COL4A4: variants seen among roughly 807,000 people sequenced by gnomAD.
COL4A4 encodes collagen alpha-4(IV) chain.
A neutral mutation model predicts 192.9 loss-of-function variants in COL4A4; 105 were observed. The ratio of observed to expected loss-of-function variants is 0.54; its 90% CI spans 0.46 to 0.64. The LOEUF is 0.64. COL4A4 is among the 30% of genes least tolerant of loss of function. The probability of loss-of-function intolerance (pLI) is 0.00; values close to 1 mark genes in which losing one functional copy is unlikely to be tolerated. For synonymous variants in COL4A4, 762 were observed against 769.9 expected, an observed-to-expected ratio of 0.99 and a Z score of 0.17; for missense variants, 1,967 against 2,169.3, an observed-to-expected ratio of 0.91 and a Z score of 1.85.
intron 37 of COL4A4, among the ~76,000 whole-genome samples, chr2:227,041,852 A>AAGAAAGAGAGAGAGAG (rs1553633321): frequency 4.2e-5 from 3 of 71,364 alleles, no homozygotes; most frequent in Non-Finnish European, 8.5e-5. Context: ...AAGAAAGAGA[A>AAGAAAGAGAGAGAGAG]AGAAAGAAAG....
chr2:227,030,248 A>C (rs1967991523), intron 41 of COL4A4, among the ~76,000 whole-genome samples, 195 bp downstream of exon 41: 1 of 152,196 alleles, frequency 6.6e-6, no homozygotes, highest in Admixed American at 6.5e-5. Flanking sequence ...TAGGGGCTAA[A>C]GATGAACTTG....
At chr2:227,015,745 G>A (rs1194447038) in intron 44 of COL4A4, among the ~76,000 whole-genome samples, 1 of 152,126 alleles carries the variant, frequency 6.6e-6, no homozygotes, top group Admixed American at 6.5e-5. Flanking sequence ...GGCACAATCA[G>A]ATAAGGCAAT....
chr2:227,031,762 G>A (rs772852555), intron 40 of COL4A4, among the ~76,000 whole-genome samples, 183 bp downstream of exon 40: 20 of 152,158 alleles, frequency 1.3e-4, no homozygotes, highest in Non-Finnish European at 2.6e-4. Context: ...TCCTGGATAT[G>A]GTCCTGAGAG....
the COL4A4 span, chr2:226,997,589 A>C: frequency 6.6e-6 from 1 of 152,296 alleles, no homozygotes; most frequent in East Asian, 1.9e-4. Context: ...TTTCCATTGT[A>C]TTAAGAGTCC....
the COL4A4 span, among the ~76,000 whole-genome samples, chr2:226,989,648 T>C: frequency 6.6e-6 from 1 of 152,238 alleles, no homozygotes; most frequent in East Asian, 1.9e-4. Flanking sequence ...AGTCTGACCA[T>C]ATCTTGTCTA....
chr2:227,155,097 C>T (rs1243228659), intron 1 of COL4A4, among the ~76,000 whole-genome samples: 1 of 152,196 alleles, frequency 6.6e-6, no homozygotes, highest in Non-Finnish European at 1.5e-5. Flanking sequence ...GCAAGGAAAA[C>T]TGGACAATTA....
intron 44 of COL4A4, among the ~76,000 whole-genome samples, chr2:227,020,266 T>G (rs1302933837): frequency 2.6e-5 from 4 of 152,006 alleles, no homozygotes; most frequent in Non-Finnish European, 5.9e-5. Flanking sequence ...CAAGGCAGCT[T>G]GGTTTTAAAA....
At chr2:227,068,260 T>C (rs2058475093) in intron 25 of COL4A4, among the ~76,000 whole-genome samples, 1 of 152,142 alleles carries the variant, frequency 6.6e-6, no homozygotes, top group Non-Finnish European at 1.5e-5. Context: ...CAGGACCAGA[T>C]GGATTCACAG....
the COL4A4 span, among the ~76,000 whole-genome samples, chr2:226,986,145 A>G: frequency 6.6e-6 from 1 of 152,232 alleles, no homozygotes; most frequent in Non-Finnish European, 1.5e-5. Flanking sequence ...ATTCTTCACG[A>G]TATCTGTCTG....
chr2:226,988,484 T>C, the COL4A4 span: 11 of 1,542,224 alleles, frequency 7.1e-6, no homozygotes, highest in Non-Finnish European at 7.9e-6. Flanking sequence ...TGTAGTGGAG[T>C]TGAGCAAAGA....
intron 22 of COL4A4, among the ~76,000 whole-genome samples, chr2:227,086,586 A>C (rs544610848): frequency 6.6e-6 from 1 of 152,210 alleles, no homozygotes; most frequent in South Asian, 2.1e-4. Flanking sequence ...TCATATACAC[A>C]ACAGACCAGA....
rs1232612458 is a variant in COL4A4 at position 227,003,987 on chromosome 2, G to A, written c.*3338C>T. The stretch of plus-strand genomic sequence containing the variant: ...TAGGAAATGGTTTATACTTGTAACC[G>A]TCTTGCTGATGAAGACCTTATATGC... On this transcript the variant is annotated 3_prime_UTR_variant, in exon 48 of 48. Transcript: ENST00000396625. The A allele has an allele frequency of 2.0e-5, 3 of 152,200 alleles. No homozygotes were observed. The highest frequency in any genetic ancestry group is 7.2e-5 in the African/African-American group (3 of 41,462). The allele number at this position is 152,200 out of a possible 1,614,324, so 9.4% of individuals were successfully genotyped here. A position where few individuals can be genotyped will look rare whatever the true frequency, so the allele number is the denominator to read the frequency against.
chr2:227,054,861 C>T (rs1427723648), intron 30 of COL4A4, 124 bp from the exon 31 acceptor site: 5 of 1,042,304 alleles, frequency 4.8e-6, no homozygotes, highest in African/African-American at 4.8e-5. Flanking sequence ...ACGATCTCGG[C>T]TCATTGCAAC....
At chr2:227,149,885 G>A (rs1370438370) in intron 1 of COL4A4, among the ~76,000 whole-genome samples, 1 of 152,126 alleles carries the variant, frequency 6.6e-6, no homozygotes, top group Non-Finnish European at 1.5e-5. Flanking sequence ...ACAGACAGAC[G>A]GATGGATGGG....
At chr2:227,152,384 C>A (rs2064010058) in intron 1 of COL4A4, among the ~76,000 whole-genome samples, 1 of 152,226 alleles carries the variant, frequency 6.6e-6, no homozygotes, top group South Asian at 2.1e-4. Context: ...AAGTTGCTTG[C>A]ATAACTCCTG....
chr2:227,049,554 A>T (rs1382631332), intron 34 of COL4A4, among the ~76,000 whole-genome samples: 1 of 152,052 alleles, frequency 6.6e-6, no homozygotes, highest in Non-Finnish European at 1.5e-5. Context: ...AAATAATAAT[A>T]ATAATAAAAA....
In COL4A4 at chr2:227,144,577, G is replaced by A. The variant is rs374416724; in HGVS notation, c.72-19C>T. The A allele has an allele frequency of 5.3e-5, 83 of 1,573,198 alleles. No individual in the cohort carries two copies. Among genetic ancestry groups the A allele is most frequent in the Non-Finnish European group, 6.7e-5 (77 of 1,143,386 alleles). On this transcript the variant is annotated intron_variant, in intron 2 of 47. Transcript: ENST00000396625. ...AAGTGACCTACAGAAAAACAAAAAC[G>A]CAGATTAATTTAAACAGTTTCTTTT...
At position 227,144,598 on chromosome 2, in the gene COL4A4, C is replaced by A. The variant is rs1259024265; in HGVS notation, c.72-40G>T. 2.0e-6 allele frequency: 3 copies of A among 1,482,232 alleles called. No individual in the cohort carries two copies. In the Admixed American group the frequency reaches 5.1e-5, roughly 25 times the overall value. 91.8% of individuals were successfully genotyped at this position (1,482,232 alleles called of 1,614,324 possible). A position where few individuals can be genotyped will look rare whatever the true frequency, so the allele number is the denominator to read the frequency against. ...AAACGCAGATTAATTTAAACAGTTT[C>A]TTTTCATGTGAAACAAAAAGAAAAA... On this transcript the variant is annotated intron_variant, in intron 2 of 47. Transcript: ENST00000396625.
intron 37 of COL4A4, 77 bp downstream of exon 37, chr2:227,042,071 G>C (rs1576033753): frequency 1.1e-6 from 1 of 892,492 alleles, no homozygotes; most frequent in East Asian, 2.4e-5. Flanking sequence ...TCACTCACTG[G>C]TACAGGAAAA....
Sources: allele counts gnomAD v4.1 joint callset (sites outside exome capture counted in the v4.1 genomes callset), GRCh38; gene constraint gnomAD v4.1.1; transcripts MANE v1.5; gene names NCBI Gene and HGNC (gene_info 2026-07-23, HGNC 2026-07-21).